SPECC1L: variants seen among roughly 807,000 people sequenced by gnomAD.
The protein encoded by SPECC1L is cytospin-A.
In SPECC1L, 40 loss-of-function variants were observed where a neutral mutation model predicts 116.8. The observed-to-expected ratio is 0.34, with a 90% CI of 0.27 to 0.45. SPECC1L has a LOEUF of 0.45. Ranked by LOEUF, SPECC1L falls within the 20% of genes least tolerant of loss-of-function variation. SPECC1L has a pLI of 1.00. For synonymous variants in SPECC1L, 504 were observed against 500.6 expected, an observed-to-expected ratio of 1.01 and a Z score of -0.09; for missense variants, 1,110 against 1,373.6, an observed-to-expected ratio of 0.81 and a Z score of 3.03.
At chr22:24,313,144 A>G (rs2040493957) in intron 3 of SPECC1L, among the ~76,000 whole-genome samples, 169 bp from the exon 4 acceptor site, 2 of 152,224 alleles carry the variant, frequency 1.3e-5, no homozygotes, top group South Asian at 4.1e-4. Flanking sequence ...TAAACCTATA[A>G]AGAAGTTCTG....
At chr22:24,275,400 G>C (rs1344260122) in intron 1 of SPECC1L, among the ~76,000 whole-genome samples, 1 of 152,194 alleles carries the variant, frequency 6.6e-6, no homozygotes, top group Non-Finnish European at 1.5e-5. Context: ...CTTAGTGTCT[G>C]ATTCCAATTT....
chr22:24,383,054 T>A (rs1209000852), intron 14 of SPECC1L, among the ~76,000 whole-genome samples: 5 of 152,150 alleles, frequency 3.3e-5, no homozygotes, highest in African/African-American at 4.8e-5. Flanking sequence ...ACAAAAAAAT[T>A]AGATTTCAAG....
At chr22:24,315,491 A>G (rs1046303928) in intron 4 of SPECC1L, among the ~76,000 whole-genome samples, 2 of 152,384 alleles carry the variant, frequency 1.3e-5, no homozygotes, top group African/African-American at 4.8e-5. Flanking sequence ...TTTTACTCCC[A>G]AGCCTGGGGT....
At chr22:24,319,774 ATCTCCCTCTATCTGTGGAGATCATTTGCT>A (rs1330826258) in intron 4 of SPECC1L, among the ~76,000 whole-genome samples, 1 of 152,146 alleles carries the variant, frequency 6.6e-6, no homozygotes, top group African/African-American at 2.4e-5. Flanking sequence ...GTTAGTGGCT[ATCTCCCTCTATCTGTGGAGATCATTTGCT>A]CCCTGTTACC....
chr22:24,274,994 C>T (rs2048805814), intron 1 of SPECC1L, among the ~76,000 whole-genome samples: 1 of 152,170 alleles, frequency 6.6e-6, no homozygotes, highest in Non-Finnish European at 1.5e-5. Flanking sequence ...TTCTTATTTC[C>T]TTGCCCTTTT....
rs564074509 is a variant in SPECC1L at position 24,348,440 on chromosome 22, G to T, written c.2743+1264G>T. On this transcript the variant is annotated intron_variant, in intron 11 of 16. Coordinates refer to ENST00000314328, the MANE Select transcript of SPECC1L (RefSeq NM_015330.6). ...TATACCTGTCAGTCTTCAGTGTTCTGATAAGCTGGTTGTGTACACATTTAG... is the reference window on the plus strand; with the variant it reads ...TATACCTGTCAGTCTTCAGTGTTCTTATAAGCTGGTTGTGTACACATTTAG... 1.2e-4 allele frequency among the ~76,000 whole-genome samples: 18 copies of T among 152,276 alleles called. No homozygotes were observed. The South Asian group carries it at 2.3e-3, about 19-fold the overall frequency.
At chr22:24,353,351 C>T (rs568348417) in intron 11 of SPECC1L, among the ~76,000 whole-genome samples, 26 of 152,258 alleles carry the variant, frequency 1.7e-4, no homozygotes, top group African/African-American at 6.3e-4. Context: ...GAATACTTGT[C>T]AGTTATTTTG....
chr22:24,366,675 G>A (rs2041773348), intron 13 of SPECC1L, among the ~76,000 whole-genome samples: 2 of 152,190 alleles, frequency 1.3e-5, no homozygotes, highest in Non-Finnish European at 2.9e-5. Context: ...AGGAATGCAA[G>A]AATGGATGAT....
chr22:24,400,692 C>G (rs1011323580), intron 14 of SPECC1L, among the ~76,000 whole-genome samples: 1 of 152,196 alleles, frequency 6.6e-6, no homozygotes, highest in Non-Finnish European at 1.5e-5. Context: ...CAGCAGTGTC[C>G]AAGGATTCCA....
At chr22:24,352,257 C>A (rs77429382) in intron 11 of SPECC1L, among the ~76,000 whole-genome samples, 6 of 152,144 alleles carry the variant, frequency 3.9e-5, no homozygotes, top group Non-Finnish European at 2.9e-5. Flanking sequence ...CTGCCAAGTA[C>A]ATGGATACAG....
At chr22:24,394,996 A>G (rs2042339877) in intron 14 of SPECC1L, among the ~76,000 whole-genome samples, 1 of 151,972 alleles carries the variant, frequency 6.6e-6, no homozygotes, top group Admixed American at 6.6e-5. Context: ...ACACCTGGCT[A>G]ACTTTTGTGT....
chr22:24,407,307 T>A (rs112813989), intron 14 of SPECC1L, among the ~76,000 whole-genome samples: 1,652 of 152,326 alleles, frequency 0.011, 27 homozygotes, highest in African/African-American at 0.036. Context: ...GCATGCTTTG[T>A]AAAAGAAGTC....
rs770001710 is a variant in SPECC1L at position 24,322,367 on chromosome 22, A to T, written c.1387A>T (p.Ile463Phe). ...TAAGTTGGAACACTTTAGTCGACAG[A>T]TTGAATACTTCCGCTCTCTTCTAGA... ...SDKLEHFSRQ[I>F]EYFRSLLDEH... The change falls in exon 5 of 17, where the codon ATT (isoleucine) becomes TTT (phenylalanine). Residue 463 changes from isoleucine to phenylalanine, a missense_variant. Around this residue, in one of 4 missense-constraint regions of SPECC1L, gnomAD observed 575 missense variants for 682.4 expected, o/e 0.84. Transcript: ENST00000314328. 3 of 1,614,224 alleles carry T rather than the reference A, an allele frequency of 1.9e-6. No homozygotes were observed. The highest frequency in any genetic ancestry group is 2.5e-6 in the Non-Finnish European group (3 of 1,180,044).
chr22:24,305,659 C>T (rs1385074324), intron 3 of SPECC1L, among the ~76,000 whole-genome samples: 5 of 152,164 alleles, frequency 3.3e-5, no homozygotes, highest in African/African-American at 1.2e-4. Flanking sequence ...TATTAATACA[C>T]ATGTGCACCC....
At chr22:24,317,591 G>T (rs2040616273) in intron 4 of SPECC1L, among the ~76,000 whole-genome samples, 1 of 149,360 alleles carries the variant, frequency 6.7e-6, no homozygotes, top group South Asian at 2.1e-4. Flanking sequence ...CCCGGACGGG[G>T]CGGCTGGCCG....
chr22:24,340,228 A>G (rs1601579897), intron 10 of SPECC1L, among the ~76,000 whole-genome samples: 1 of 138,384 alleles, frequency 7.2e-6, no homozygotes, highest in Admixed American at 8.2e-5. Flanking sequence ...GGCTCACTGC[A>G]ACCTCCACCT....
At chr22:24,272,810 C>CAA (rs896306588) in intron 1 of SPECC1L, among the ~76,000 whole-genome samples, 2 of 151,764 alleles carry the variant, frequency 1.3e-5, no homozygotes, top group African/African-American at 4.8e-5. Flanking sequence ...TTTTTTCCTC[C>CAA]AAAAAAACAC....
At chr22:24,329,196 T>G (rs777418915) in intron 7 of SPECC1L, among the ~76,000 whole-genome samples, 10 of 152,198 alleles carry the variant, frequency 6.6e-5, no homozygotes, top group Non-Finnish European at 1.3e-4. Context: ...GGCATGATAC[T>G]CAAAGGAAAT....
chr22:24,388,460 C>T (rs905364908), intron 14 of SPECC1L, among the ~76,000 whole-genome samples: 2 of 151,702 alleles, frequency 1.3e-5, no homozygotes, highest in African/African-American at 2.4e-5. Flanking sequence ...GTATATGTGC[C>T]ACATTTTCTT....
Sources: gnomAD v4.1 joint callset for allele counts (sites outside exome capture counted in the v4.1 genomes callset) on GRCh38, gnomAD v4.1.1 for gene constraint, gnomAD v4.1.1 regional missense constraint, MANE v1.5 for transcripts, NCBI Gene and HGNC (gene_info 2026-07-23, HGNC 2026-07-21) for gene names.